NAGK: variants seen among roughly 807,000 people sequenced by gnomAD.
NAGK encodes the protein N-acetylglucosamine kinase, also known as N-acetyl-D-glucosamine kinase.
A neutral mutation model predicts 42.9 loss-of-function variants in NAGK; 35 were observed. That is an observed-to-expected ratio of 0.82 (90% CI 0.62 to 1.08). The LOEUF is 1.08. NAGK is among the 50% of genes least tolerant of loss of function. The pLI is 0.00. For synonymous variants in NAGK, 172 were observed against 176.0 expected (o/e 0.98, Z 0.18); for missense variants, 446 against 446.0 (o/e 1.00, Z 0.00).
chr2:71,077,208 A>G (rs1672242150), intron 8 of NAGK, among the ~76,000 whole-genome samples: 1 of 151,806 alleles, frequency 6.6e-6, no homozygotes, highest in Non-Finnish European at 1.5e-5. Context: ...CAAGTGATCC[A>G]CCCACCTTGG....
At position 71,077,614 on chromosome 2, in the gene NAGK, G is replaced by T; in HGVS notation, c.822G>T (p.Lys274Asn). 1 of 1,608,122 alleles carries T rather than the reference G, an allele frequency of 6.2e-7. No individual in the cohort carries two copies. The highest frequency in any genetic ancestry group is 8.5e-7 in the Non-Finnish European group (1 of 1,177,308). The change falls in exon 9 of 10, where the codon AAG becomes AAT. Residue 274 changes from lysine (K) to asparagine (N), a missense_variant. Coordinates refer to ENST00000244204, the MANE Select transcript of NAGK (RefSeq NM_017567.6). Reference sequence around the variant, plus strand: ...TCCTGTGCGTGGGCTCTGTGTGGAAGAGCTGGGAGCTGCTGAAGGAAGGTG... The same window carrying T: ...TCCTGTGCGTGGGCTCTGTGTGGAATAGCTGGGAGCTGCTGAAGGAAGGTG... ...LPILCVGSVW[K>N]SWELLKEGFL...
In NAGK at chr2:71,071,761, T is replaced by G. The variant is rs766086295; in HGVS notation, c.289T>G (p.Tyr97Asp). The change falls in exon 4 of 10, where the codon TAC (tyrosine) becomes GAC (aspartate). Residue 97 changes from tyrosine (Y) to aspartate (D), a missense_variant. By Grantham distance (160) the Tyr-to-Asp change is radical (BLOSUM62 -3). Transcript: ENST00000244204. ...CGAGGAGCTGAGGGACCGATTTCCC[T>G]ACCTGAGTGAAAGCTACTTAATCAC... ...LIEELRDRFP[Y>D]LSESYLITTD... 2 of 1,614,162 alleles carry G rather than the reference T, an allele frequency of 1.2e-6. No individual in the cohort carries two copies. The highest frequency in any genetic ancestry group is 1.7e-4 in the Middle Eastern group (1 of 6,054).
At chr2:71,070,023 T>G (rs1260297345) in intron 1 of NAGK, 1 of 164,608 alleles carries the variant, frequency 6.1e-6, no homozygotes, top group East Asian at 1.7e-4. Flanking sequence ...CTTAGGAGTG[T>G]TTGCTGAGCA....
chr2:71,076,786 C>A, intron 8 of NAGK, 85 bp downstream of exon 8: 1 of 1,121,890 alleles, frequency 8.9e-7, no homozygotes, highest in South Asian at 1.3e-5. Context: ...CCCATCAAAC[C>A]CTGCATAGAT....
intron 3 of NAGK, 39 bp from the exon 4 acceptor site, chr2:71,071,647 T>A: frequency 1.9e-6 from 3 of 1,582,700 alleles, no homozygotes; most frequent in South Asian, 1.1e-5. Context: ...GAGCTGGGGC[T>A]GGGGCTCTGC....
chr2:71,069,018 TC>T (rs1671897819), intron 1 of NAGK: 1 of 1,145,102 alleles, frequency 8.7e-7, no homozygotes, highest in Non-Finnish European at 1.1e-6. Context: ...AGCTCCTTTT[TC>T]CTATTCCTGA....
At position 71,076,686 on chromosome 2, in the gene NAGK, G is replaced by A; in HGVS notation, c.750G>A (p.Leu250=). The part of the protein sequence containing the change: ...EMLGRHIVAV[L]PEIDPVLFQG... ...TGGGCAGACACATCGTAGCAGTGTT[G>A]CCCGAGATTGACCCGGTGAGTTGAG... Residue 250 remains leucine, a synonymous_variant, in exon 8 of 10, where the codon TTG becomes TTA. Transcript: ENST00000244204. The A allele has an allele frequency of 1.2e-6, 2 of 1,613,794 alleles. No homozygotes were observed. The highest frequency in any genetic ancestry group is 1.7e-6 in the Non-Finnish European group (2 of 1,179,768).
At position 71,075,870 on chromosome 2, in the gene NAGK, A is replaced by G. The variant is rs533823039; in HGVS notation, c.667+228A>G. The stretch of plus-strand genomic sequence containing the variant: ...ACCTGTGTTTTTTTCTTTAATAGCT[A>G]TCATGGCTTGCTTAGGCTGTATGCC... On this transcript the variant is annotated intron_variant, in intron 7 of 9. Coordinates refer to ENST00000244204, the MANE Select transcript of NAGK (RefSeq NM_017567.6). The G allele has an allele frequency of 4.1e-5, 23 of 562,930 alleles. No homozygotes were observed. In the East Asian group the frequency reaches 6.6e-4, roughly 16 times the overall value. The allele number at this position is 562,930 out of a possible 1,614,324, so 34.9% of individuals were successfully genotyped here.
upstream of NAGK, chr2:71,068,582 G>A: frequency 2.0e-6 from 3 of 1,520,404 alleles, no homozygotes; most frequent in Non-Finnish European, 2.6e-6. Flanking sequence ...GGCTGCGCGG[G>A]AGGTCACGGG....
chr2:71,075,675 T>G (rs1340300025), intron 7 of NAGK, 33 bp downstream of exon 7: 9 of 1,573,332 alleles, frequency 5.7e-6, no homozygotes, highest in Non-Finnish European at 7.0e-6. Context: ...TTTATCTGGC[T>G]TTGTTCTCCA....
intron 5 of NAGK, 148 bp from the exon 6 acceptor site, chr2:71,073,334 C>CCCCCCCCCCG: frequency 2.5e-6 from 1 of 404,736 alleles, no homozygotes; most frequent in Non-Finnish European, 4.9e-6. Context: ...ACCCCCCTCT[C>CCCCCCCCCCG]CCACCCCCTG....
chr2:71,077,750 GAC>G, intron 9 of NAGK, 114 bp downstream of exon 9: 3 of 1,129,374 alleles, frequency 2.7e-6, no homozygotes, highest in Non-Finnish European at 2.6e-6. Flanking sequence ...CTGAGGCCTA[GAC>G]AGGCCACTGA....
In NAGK at chr2:71,072,655, A is replaced by T. The variant is rs560847516; in HGVS notation, c.370A>T (p.Ile124Leu). The T allele has an allele frequency of 1.2e-5, 19 of 1,613,856 alleles. No individual in the cohort carries two copies. In the East Asian group the frequency reaches 4.0e-4, roughly 34 times the overall value. The change falls in exon 5 of 10, where the codon ATA (isoleucine) becomes TTA (leucine). Residue 124 changes from isoleucine to leucine, a missense_variant. Coordinates refer to ENST00000244204, the MANE Select transcript of NAGK (RefSeq NM_017567.6). ...CCTTTCCCCAGGTGGAGTTGTGCTC[A>T]TATCTGGAACAGGCTCCAACTGCAG... ...TATPDGGVVL[I>L]SGTGSNCRLI...
intron 4 of NAGK, among the ~76,000 whole-genome samples, 172 bp downstream of exon 4, chr2:71,071,999 G>A (rs886283160): frequency 1.3e-5 from 2 of 152,210 alleles, no homozygotes; most frequent in African/African-American, 2.4e-5. Context: ...GGCAGCAGGA[G>A]GAAGGGCAAG....
intron 6 of NAGK, 129 bp downstream of exon 6, chr2:71,073,723 C>G: frequency 1.3e-6 from 1 of 796,988 alleles, no homozygotes; most frequent in East Asian, 2.5e-5. Context: ...GTCTGAGTTG[C>G]AGGGTGAAGT....
Position 71,070,973 on chromosome 2 carries a change from A to G in NAGK, c.213+134A>G, listed in dbSNP as rs913777640. 5 of 886,328 alleles carry G rather than the reference A, an allele frequency of 5.6e-6. No homozygotes were observed. In the African/African-American group the frequency reaches 8.3e-5, roughly 15 times the overall value. 54.9% of individuals were successfully genotyped at this position (886,328 alleles called of 1,614,324 possible). On this transcript the variant is annotated intron_variant, in intron 3 of 9. Coordinates refer to ENST00000244204, the MANE Select transcript of NAGK (RefSeq NM_017567.6). ...TAGTCCCTGGTGTCAAAACTGTCAT[A>G]ATCTCACCCAGTCTCATGGCTTCAG...
At chr2:71,074,602 C>T (rs1281922534) in intron 6 of NAGK, 1 of 152,204 alleles carries the variant, frequency 6.6e-6, no homozygotes, top group Non-Finnish European at 1.5e-5. Context: ...CCACCCACCC[C>T]CTCAGACATT....
At chr2:71,073,390 A>G in intron 5 of NAGK, 92 bp from the exon 6 acceptor site, 1 of 926,162 alleles carries the variant, frequency 1.1e-6, no homozygotes, top group Non-Finnish European at 1.8e-6. Flanking sequence ...ATAAAATTCA[A>G]GCAGATCACT....
In NAGK at chr2:71,071,797, G is replaced by A. The variant is rs1047263037; in HGVS notation, c.325G>A (p.Ala109Thr). 1.6e-5 allele frequency: 26 copies of A among 1,614,042 alleles called. No homozygotes were observed. The highest frequency in any genetic ancestry group is 6.7e-5 in the East Asian group (3 of 44,898). Residue 109 changes from alanine to threonine, a missense_variant, in exon 4 of 10, where the codon GCC becomes ACC. Transcript: ENST00000244204. ...SESYLITTDA[A>T]GSIATATPDG... ...AAGCTACTTAATCACCACCGATGCC[G>A]CCGGCTCCATCGCCACAGCTACACC... is the stretch of plus-strand genomic sequence containing the variant.
Sources: gnomAD v4.1 joint callset for allele counts (sites outside exome capture counted in the v4.1 genomes callset) on GRCh38, gnomAD v4.1.1 for gene constraint, MANE v1.5 for transcripts, NCBI Gene and HGNC (gene_info 2026-07-23, HGNC 2026-07-21) for gene names.